CD200: variants seen among roughly 807,000 people sequenced by gnomAD.
CD200 encodes the protein OX-2 membrane glycoprotein.
CD200 carries 15 observed loss-of-function variants against 30.9 expected under a neutral mutation model. The observed-to-expected ratio is 0.49, with a 90% CI of 0.32 to 0.75. The LOEUF is 0.75. Among genes scored for constraint, CD200 ranks in the 30% least tolerant of loss-of-function variants. The pLI is 0.03. For synonymous variants in CD200, 134 were observed against 126.2 expected, an observed-to-expected ratio of 1.06 and a Z score of -0.41; for missense variants, 262 against 324.2, an observed-to-expected ratio of 0.81 and a Z score of 1.47.
chr3:112,346,969 T>A (rs1311429513), intron 3 of CD200, among the ~76,000 whole-genome samples: 2 of 152,236 alleles, frequency 1.3e-5, no homozygotes, highest in African/African-American at 4.8e-5. Flanking sequence ...TAGCTACGAA[T>A]TCCAAATTTT....
chr3:112,334,820 T>C (rs1474187845), intron 1 of CD200, among the ~76,000 whole-genome samples: 1 of 152,186 alleles, frequency 6.6e-6, no homozygotes, highest in Non-Finnish European at 1.5e-5. Flanking sequence ...TTCCTTTGCC[T>C]CAATCACTGT....
chr3:112,347,180 T>G (rs919866201), intron 3 of CD200, among the ~76,000 whole-genome samples: 4 of 152,206 alleles, frequency 2.6e-5, no homozygotes, highest in African/African-American at 9.6e-5. Flanking sequence ...GTCAAGCCAT[T>G]TAAGAGGAAT....
rs2081764625 is a variant in CD200, at chr3:112,362,794, TA to T, written c.*1248del. 6.6e-6 allele frequency: 1 copy of T among 152,518 alleles called. No individual in the cohort carries two copies. Among genetic ancestry groups the T allele is most frequent in the South Asian group, 2.1e-4 (1 of 4,836 alleles). 9.4% of individuals were successfully genotyped at this position (152,518 alleles called of 1,614,324 possible). A position where few individuals can be genotyped will look rare whatever the true frequency, so the allele number is the denominator to read the frequency against. On this transcript the variant is annotated 3_prime_UTR_variant, in exon 6 of 6. Transcript: ENST00000315711. Reference sequence around the variant, plus strand: ...TATTTGTAGTAAAATATTGAACAATTAAAAGTGTTGACTCCAAATATTTGGC... The same window carrying T: ...TATTTGTAGTAAAATATTGAACAATTAAAGTGTTGACTCCAAATATTTGGC...
At chr3:112,344,833 A>G in intron 2 of CD200, 129 bp from the exon 3 acceptor site, 2 of 696,024 alleles carry the variant, frequency 2.9e-6, no homozygotes, top group South Asian at 2.0e-5. Flanking sequence ...ATGTAAATAA[A>G]TGTTTTCTTT....
chr3:112,359,723 A>G (rs961108442), intron 5 of CD200, among the ~76,000 whole-genome samples: 13 of 152,352 alleles, frequency 8.5e-5, no homozygotes, highest in Non-Finnish European at 1.3e-4. Flanking sequence ...GGACCTTGTC[A>G]TTTTAATGGA....
At chr3:112,341,691 T>C (rs2081242516) in intron 2 of CD200, among the ~76,000 whole-genome samples, 1 of 152,260 alleles carries the variant, frequency 6.6e-6, no homozygotes, top group Non-Finnish European at 1.5e-5. Context: ...TGAGATTCCA[T>C]AGAGGTAGCA....
chr3:112,336,656 G>A (rs966447664), intron 1 of CD200, among the ~76,000 whole-genome samples: 1 of 141,670 alleles, frequency 7.1e-6, no homozygotes, highest in South Asian at 2.5e-4. Context: ...AGTAGCAACA[G>A]ATGGGGCTAA....
chr3:112,334,272 G>A (rs1392674821), intron 1 of CD200: 4 of 985,136 alleles, frequency 4.1e-6, no homozygotes, highest in Non-Finnish European at 4.8e-6. Context: ...ATGAATAGGG[G>A]CAATATAGCT....
At chr3:112,349,997 T>C (rs1241090752) in intron 5 of CD200, 178 bp downstream of exon 5, 1 of 983,300 alleles carries the variant, frequency 1.0e-6, no homozygotes, top group African/African-American at 1.7e-5. Flanking sequence ...TTCTTGCAAT[T>C]GGACATTAAA....
At chr3:112,351,212 C>T (rs2081525235) in intron 5 of CD200, among the ~76,000 whole-genome samples, 1 of 152,206 alleles carries the variant, frequency 6.6e-6, no homozygotes, top group African/African-American at 2.4e-5. Context: ...GTGCCCTGAC[C>T]TCTGCCAAAT....
In CD200 at chr3:112,357,084, A is replaced by AC. The variant is rs1159086099; in HGVS notation, c.803-4454dup. 7.3e-5 allele frequency among the ~76,000 whole-genome samples: 11 copies of AC among 151,534 alleles called. No individual in the cohort carries two copies. The Middle Eastern group carries it at 0.01, about 141-fold the overall frequency. On this transcript the variant is annotated intron_variant, in intron 5 of 5. Transcript: ENST00000315711. ...AGACCATCCTGGTTAACAGCGTGAAACCCCCTCTCTACTAAAAATATAAAA... is the reference window on the plus strand; with the variant it reads ...AGACCATCCTGGTTAACAGCGTGAAACCCCCCTCTCTACTAAAAATATAAAA...
intron 2 of CD200, among the ~76,000 whole-genome samples, chr3:112,341,619 A>T (rs778458151): frequency 3.9e-5 from 6 of 152,178 alleles, no homozygotes; most frequent in Non-Finnish European, 8.8e-5. Context: ...CTTCATGCCC[A>T]TCTCCAACTC....
chr3:112,352,630 G>C (rs1290617401), intron 5 of CD200, among the ~76,000 whole-genome samples: 1 of 152,138 alleles, frequency 6.6e-6, no homozygotes, highest in Admixed American at 6.6e-5. Flanking sequence ...TATTGAGTGT[G>C]AGCAGACAAA....
intron 1 of CD200, among the ~76,000 whole-genome samples, chr3:112,339,571 T>C (rs191156363): frequency 8.5e-5 from 13 of 152,228 alleles, no homozygotes; most frequent in African/African-American, 2.9e-4. Context: ...AACCTGCAAG[T>C]AGTTGTTGAG....
chr3:112,353,206 A>G (rs1452826148), intron 5 of CD200, among the ~76,000 whole-genome samples: 1 of 152,188 alleles, frequency 6.6e-6, no homozygotes, highest in African/African-American at 2.4e-5. Flanking sequence ...TCAACCCACC[A>G]ACAATTACAT....
At chr3:112,332,927 TTTTTTTTTCC>T, upstream of CD200, 3 of 518,190 alleles carry the variant, frequency 5.8e-6, no homozygotes, top group Non-Finnish European at 1.0e-5. Flanking sequence ...AAAAAATGAT[TTTTTTTTTCC>T]AAACACTTTG....
chr3:112,335,480 A>C (rs915579997), intron 1 of CD200, among the ~76,000 whole-genome samples: 1 of 152,222 alleles, frequency 6.6e-6, no homozygotes, highest in African/African-American at 2.4e-5. Flanking sequence ...TATAATCTTG[A>C]ATTCTCTGTA....
At chr3:112,353,634 A>C (rs904657480) in intron 5 of CD200, among the ~76,000 whole-genome samples, 8 of 152,162 alleles carry the variant, frequency 5.3e-5, no homozygotes, top group Admixed American at 2.6e-4. Flanking sequence ...TTCGATAAAC[A>C]ATTTGTGATG....
intron 1 of CD200, among the ~76,000 whole-genome samples, chr3:112,337,337 A>G (rs956814434): frequency 6.6e-6 from 1 of 152,218 alleles, no homozygotes; most frequent in African/African-American, 2.4e-5. Flanking sequence ...AATCAGGCTC[A>G]TAAAAGTAAG....
Sources: gnomAD v4.1 joint callset for allele counts (sites outside exome capture counted in the v4.1 genomes callset) on GRCh38, gnomAD v4.1.1 for gene constraint, MANE v1.5 for transcripts, NCBI Gene and HGNC (gene_info 2026-07-23, HGNC 2026-07-21) for gene names.